Variants in KDM6B observed in about 807,000 individuals in gnomAD.
The protein encoded by KDM6B is lysine-specific demethylase 6B.
KDM6B carries 22 observed loss-of-function variants against 150.4 expected under a neutral mutation model. The ratio of observed to expected loss-of-function variants is 0.15; its 90% confidence interval spans 0.10 to 0.21. The LOEUF (loss-of-function observed/expected upper bound fraction) is 0.21, where lower values mean the gene tolerates loss of function less well. Ranked by LOEUF, KDM6B falls within the 10% of genes least tolerant of loss-of-function variation. The pLI is 1.00. For missense variants in KDM6B, 1,984 were observed against 2,234.3 expected, an observed-to-expected ratio of 0.89 and a Z score of 2.26; for synonymous variants, 1,148 against 921.1, an observed-to-expected ratio of 1.25 and a Z score of -4.46.
At chr17:7,839,136 C>G (rs1238931102) in intron 1 of KDM6B, among the ~76,000 whole-genome samples, 1 of 152,146 alleles carries the variant, frequency 6.6e-6, no homozygotes, top group Non-Finnish European at 1.5e-5. Flanking sequence ...TGAGGGCCAA[C>G]TTAGCTCTGA....
At chr17:7,841,430 TTCAGTAACATGAAGG>T (rs2078412296) in intron 2 of KDM6B, among the ~76,000 whole-genome samples, 1 of 151,898 alleles carries the variant, frequency 6.6e-6, no homozygotes, top group African/African-American at 2.4e-5. Flanking sequence ...CCCGACTCTG[TTCAGTAACATGAAGG>T]CAAACACAGA....
chr17:7,847,714 C>T lies in KDM6B; in HGVS notation c.1426C>T (p.Leu476Phe). Residue 476 changes from leucine (L) to phenylalanine (F), a missense_variant, in exon 12 of 24, where the codon CTC becomes TTC. This residue lies in a region of KDM6B where 1,379 missense variants were observed against 1,275.6 expected (regional missense o/e 1.08). Transcript: ENST00000448097. Reference protein sequence around the residue: ...SSPPPPPCPRLLRPPPPPAWL... With the variant: ...SSPPPPPCPRFLRPPPPPAWL... Reference sequence around the variant, plus strand: ...ACCCCCTCCACCCCCCTGTCCCCGCCTCTTACGCCCCCCACCACCCCCTGC... The same window carrying T: ...ACCCCCTCCACCCCCCTGTCCCCGCTTCTTACGCCCCCCACCACCCCCTGC... 1 of 1,535,962 alleles carries T rather than the reference C, an allele frequency of 6.5e-7. No homozygotes were observed. Among genetic ancestry groups the T allele is most frequent in the Non-Finnish European group, 8.8e-7 (1 of 1,140,444 alleles).
rs1167668184 is a variant in KDM6B, at chr17:7,846,609, G to A, written c.580G>A (p.Gly194Ser). ...HKRNYGAKRG[G>S]PPVKRAAEPP... The stretch of plus-strand genomic sequence containing the variant: ...ACGGAACTATGGAGCCAAGCGGGGA[G>A]GTCCCCCGGTGAAGCGAGCTGCTGA... The change falls in exon 9 of 24, where the codon GGT becomes AGT. Residue 194 changes from glycine to serine, a missense_variant. Gly to Ser is a moderately conservative substitution (Grantham distance 56, BLOSUM62 0). Around this residue, in one of 13 missense-constraint regions of KDM6B, gnomAD observed 337 missense variants for 323.9 expected, o/e 1.04. Transcript: ENST00000448097. The A allele has an allele frequency of 6.2e-7, 1 of 1,614,108 alleles. No homozygotes were observed. Among genetic ancestry groups the A allele is most frequent in the Admixed American group, 1.7e-5 (1 of 60,022 alleles).
rs766874486 is a variant in KDM6B, at chr17:7,847,980, C to A, written c.1692C>A (p.Ser564Arg). 1 of 1,612,082 alleles carries A rather than the reference C, an allele frequency of 6.2e-7. No individual in the cohort carries two copies. The highest frequency in any genetic ancestry group is 8.5e-7 in the Non-Finnish European group (1 of 1,179,426). The change falls in exon 12 of 24, where the codon AGC becomes AGA. Residue 564 changes from serine to arginine, a missense_variant. Ser to Arg is a moderately radical substitution (Grantham distance 110, BLOSUM62 -1). Transcript: ENST00000448097. The part of the protein sequence containing the change: ...SNSNSGSHSS[S>R]PAGPVSFPPP... ...GCAACAGTGGCAGCCACAGCAGCAGCCCTGCTGGGCCTGTGTCCTTTCCCC... is the reference window on the plus strand; with the variant it reads ...GCAACAGTGGCAGCCACAGCAGCAGACCTGCTGGGCCTGTGTCCTTTCCCC...
In KDM6B at chr17:7,849,723, C is replaced by T. The variant is rs1350533497; in HGVS notation, c.3435C>T (p.Ala1145=). Residue 1145 remains alanine (A), a synonymous_variant, in exon 12 of 24, where the codon GCC becomes GCT. Transcript: ENST00000448097. ...ACTGTGCTGCTGACGTCGTGCGCGC[C>T]AGCAGGTGAGTCGGCTGCCTGCTTG... ...ISHCAADVVR[A]SRNAKVKGKF... 1.2e-6 allele frequency: 2 copies of T among 1,611,868 alleles called. No homozygotes were observed. The highest frequency in any genetic ancestry group is 1.3e-5 in the African/African-American group (1 of 74,836).
Position 7,851,638 on chromosome 17 carries a change from C to G in KDM6B, c.4017-10C>G, listed in dbSNP as rs754252808. 2 of 1,595,076 alleles carry G rather than the reference C, an allele frequency of 1.3e-6. No homozygotes were observed. ...GGGGTGTAGCCTCTCGTCGCACTTC[C>G]GCACCGCAGGTGGAAGCCCCAGCTG... On this transcript the variant is annotated splice_polypyrimidine_tract_variant and intron_variant, in intron 17 of 23. Transcript: ENST00000448097.
At chr17:7,835,516 G>A (rs540677442) in intron 1 of KDM6B, among the ~76,000 whole-genome samples, 2 of 152,120 alleles carry the variant, frequency 1.3e-5, no homozygotes, top group South Asian at 4.1e-4. Flanking sequence ...CCTCCCCTGG[G>A]TTGCTTGTCC....
chr17:7,851,569 G>A lies in KDM6B; in HGVS notation c.4016+20G>A, dbSNP rs2078695165. On this transcript the variant is annotated intron_variant, in intron 17 of 23. Coordinates refer to ENST00000448097, the MANE Select transcript of KDM6B (RefSeq NM_001348716.2). ...TAAGCGGTCAGTGGGGCTGAGGCCA[G>A]GGAAGTTGGGGCAGGAGTGCTGCTA... The A allele has an allele frequency of 1.2e-6, 2 of 1,613,072 alleles. No homozygotes were observed. Among genetic ancestry groups the A allele is most frequent in the African/African-American group, 2.7e-5 (2 of 74,922 alleles).
intron 2 of KDM6B, among the ~76,000 whole-genome samples, chr17:7,841,736 C>CAGTG (rs1384917671): frequency 6.6e-6 from 1 of 152,216 alleles, no homozygotes; most frequent in Non-Finnish European, 1.5e-5. Flanking sequence ...ACAAGGCCTG[C>CAGTG]AGTGACACAT....
chr17:7,852,275 G>A lies in KDM6B; in HGVS notation c.4407G>A (p.Val1469=), dbSNP rs760015921. 1.9e-6 allele frequency: 3 copies of A among 1,613,950 alleles called. No individual in the cohort carries two copies. In the East Asian group the frequency reaches 6.7e-5, roughly 36 times the overall value. ...GDLVWINAGT[V]HWVQATGWCN... Reference sequence around the variant, plus strand: ...TCGTGTGGATTAATGCGGGGACTGTGCACTGGGTGCAGGCCACCGGCTGGT... The same window carrying A: ...TCGTGTGGATTAATGCGGGGACTGTACACTGGGTGCAGGCCACCGGCTGGT... Residue 1469 remains valine, a synonymous_variant, in exon 20 of 24, where the codon GTG becomes GTA. Transcript: ENST00000448097.
rs771732913 is a variant in KDM6B at position 7,848,897 on chromosome 17, A to G, written c.2609A>G (p.Gln870Arg). ...SPQPSASSSS[Q>R]FSTSGGPWAR... ...CAGCCCTCTGCTTCCTCGTCATCTC[A>G]GTTCTCTACCTCAGGCGGGCCCTGG... Residue 870 changes from glutamine to arginine, a missense_variant, in exon 12 of 24, where the codon CAG becomes CGG. Physicochemically the swap from Gln to Arg is conservative, Grantham distance 43 (BLOSUM62 1). Around this residue, in one of 13 missense-constraint regions of KDM6B, gnomAD observed 1,379 missense variants for 1,275.6 expected, o/e 1.08. Coordinates refer to ENST00000448097, the MANE Select transcript of KDM6B (RefSeq NM_001348716.2). 2 of 1,605,692 alleles carry G rather than the reference A, an allele frequency of 1.2e-6. No individual in the cohort carries two copies. The highest frequency in any genetic ancestry group is 1.7e-6 in the Non-Finnish European group (2 of 1,175,516).
chr17:7,846,693 G>C lies in KDM6B; in HGVS notation c.664G>C (p.Gly222Arg). ...AALSGPSGEE[G>R]LSPGGKRRRG... Reference sequence around the variant, plus strand: ...ACTCTCAGGCCCCTCAGGGGAGGAGGGCCTCAGCCCTGGAGGCAAGCGAAG... The same window carrying C: ...ACTCTCAGGCCCCTCAGGGGAGGAGCGCCTCAGCCCTGGAGGCAAGCGAAG... Residue 222 changes from glycine (G) to arginine (R), a missense_variant, in exon 9 of 24, where the codon GGC becomes CGC. Gly to Arg is a moderately radical substitution (Grantham distance 125). This residue lies in a region of KDM6B where 337 missense variants were observed against 323.9 expected (regional missense o/e 1.04). Coordinates refer to ENST00000448097, the MANE Select transcript of KDM6B (RefSeq NM_001348716.2). 1.2e-6 allele frequency: 2 copies of C among 1,614,110 alleles called. No individual in the cohort carries two copies. The highest frequency in any genetic ancestry group is 2.2e-5 in the South Asian group (2 of 91,082).
At chr17:7,841,754 C>T (rs1446469348) in intron 2 of KDM6B, among the ~76,000 whole-genome samples, 2 of 152,132 alleles carry the variant, frequency 1.3e-5, no homozygotes, top group Non-Finnish European at 2.9e-5. Context: ...CATAGCGGGC[C>T]GGGGCCGGCA....
rs2078465573 is a variant in KDM6B at position 7,843,709 on chromosome 17, G to A, written c.-268-1192G>A. Among the ~76,000 whole-genome samples the A allele has an allele frequency of 6.6e-6, 1 of 151,872 alleles. No individual in the cohort carries two copies. The highest frequency in any genetic ancestry group is 2.1e-4 in the South Asian group (1 of 4,818). On this transcript the variant is annotated intron_variant, in intron 2 of 23. Coordinates refer to ENST00000448097, the MANE Select transcript of KDM6B (RefSeq NM_001348716.2). This position sits in a 1 kb window ranked among gnomAD's most constrained non-coding sequence, Gnocchi z 4.5. ...GCCCCGCCCCCGCGGCTTTGTACTC[G>A]ACACTCGCCTCTCGCTGCTCTTTGT... is the stretch of plus-strand genomic sequence containing the variant.
Position 7,853,073 on chromosome 17 carries a change from G to A in KDM6B, c.4684G>A (p.Ala1562Thr), listed in dbSNP as rs753414488. ...CCTGGTGCGGGCAGGGAAGAAAATC[G>A]CTTACCAGGGCCGTGTCAAGGACGA... ...ESLVRAGKKI[A>T]YQGRVKDEPA... is the part of the protein sequence containing the mutation. The change falls in exon 22 of 24, where the codon GCT (alanine) becomes ACT (threonine). Residue 1562 changes from alanine (A) to threonine (T), a missense_variant. Physicochemically the swap from Ala to Thr is moderately conservative, Grantham distance 58 (BLOSUM62 0). Coordinates refer to ENST00000448097, the MANE Select transcript of KDM6B (RefSeq NM_001348716.2). 4 of 1,613,970 alleles carry A rather than the reference G, an allele frequency of 2.5e-6. No homozygotes were observed. In the African/African-American group the frequency reaches 5.3e-5, roughly 22 times the overall value.
In KDM6B at chr17:7,847,450, A is replaced by G. The variant is rs766016850; in HGVS notation, c.1255A>G (p.Ile419Val). ...CCGGGGCGTGGAGCCGAACCCAGGCATTGTGAGTGACAACTGAGGGTGGAG... is the reference window on the plus strand; with the variant it reads ...CCGGGGCGTGGAGCCGAACCCAGGCGTTGTGAGTGACAACTGAGGGTGGAG... ...GLRGVEPNPG[I>V]PGADHYQTPA... is the part of the protein sequence containing the mutation. Residue 419 changes from isoleucine (I) to valine (V), a missense_variant and splice_region_variant, in exon 11 of 24, where the codon ATT becomes GTT. Physicochemically the swap from Ile to Val is conservative, Grantham distance 29. Coordinates refer to ENST00000448097, the MANE Select transcript of KDM6B (RefSeq NM_001348716.2). 3.7e-6 allele frequency: 6 copies of G among 1,613,688 alleles called. No homozygotes were observed. Among genetic ancestry groups the G allele is most frequent in the Non-Finnish European group, 5.1e-6 (6 of 1,179,962 alleles).
chr17:7,842,497 C>A (rs926799180), intron 2 of KDM6B, among the ~76,000 whole-genome samples: 2 of 152,202 alleles, frequency 1.3e-5, no homozygotes, highest in Non-Finnish European at 2.9e-5. Context: ...GTCTTTGTGC[C>A]TGTCCGTGGT....
chr17:7,838,022 A>G (rs1597817529), intron 1 of KDM6B, among the ~76,000 whole-genome samples: 1 of 151,990 alleles, frequency 6.6e-6, no homozygotes, highest in East Asian at 1.9e-4. Flanking sequence ...TCTCTTGGAC[A>G]AGAAATAGCT....
chr17:7,848,806 G>A lies in KDM6B; in HGVS notation c.2518G>A (p.Gly840Ser). Reference protein sequence around the residue: ...GPLPTTQYSPGPPSGATALPP... With the variant: ...GPLPTTQYSPSPPSGATALPP... The stretch of plus-strand genomic sequence containing the variant: ...CTTGCCCACCACTCAGTATTCCCCT[G>A]GCCCCCCATCAGGTGCTACCGCCCT... The change falls in exon 12 of 24, where the codon GGC becomes AGC. Residue 840 changes from glycine (G) to serine (S), a missense_variant. This residue lies in a region of KDM6B where 1,379 missense variants were observed against 1,275.6 expected (regional missense o/e 1.08). Coordinates refer to ENST00000448097, the MANE Select transcript of KDM6B (RefSeq NM_001348716.2). 1.2e-6 allele frequency: 2 copies of A among 1,612,712 alleles called. No homozygotes were observed. The highest frequency in any genetic ancestry group is 4.5e-5 in the East Asian group (2 of 44,874).
Sources: gnomAD v4.1 joint callset for allele counts (sites outside exome capture counted in the v4.1 genomes callset) on GRCh38, gnomAD v4.1.1 for gene constraint, gnomAD v4.1.1 regional missense constraint, Gnocchi (gnomAD v3.1) non-coding constraint, MANE v1.5 for transcripts, NCBI Gene and HGNC (gene_info 2026-07-23, HGNC 2026-07-21) for gene names.